The following TNFSF8 variants were observed in gnomAD, a reference collection of about 807,000 sequenced individuals.
The protein encoded by TNFSF8 is TNF superfamily member 8, also known as tumor necrosis factor ligand superfamily member 8.
In TNFSF8, 4 loss-of-function variants were observed where a neutral mutation model predicts 22.0. That is an observed-to-expected ratio of 0.18 (90% confidence interval 0.09 to 0.42). The LOEUF is 0.42. TNFSF8 is among the 10% of genes least tolerant of loss of function. The pLI is 1.00. For synonymous variants in TNFSF8, 106 were observed against 112.5 expected, an observed-to-expected ratio of 0.94 and a Z score of 0.37; for missense variants, 233 against 281.8, an observed-to-expected ratio of 0.83 and a Z score of 1.24.
In TNFSF8 at chr9:114,902,589, C is replaced by G. The variant is rs1827730853; in HGVS notation, c.*1342G>C. 2 of 985,310 alleles carry G rather than the reference C, an allele frequency of 2.0e-6. No homozygotes were observed. The highest frequency in any genetic ancestry group is 1.2e-4 in the Admixed American group (2 of 16,262). The allele number at this position is 985,310 out of a possible 1,614,324, so 61.0% of individuals were successfully genotyped here. A position where few individuals can be genotyped will look rare whatever the true frequency, so the allele number is the denominator to read the frequency against. On this transcript the variant is annotated 3_prime_UTR_variant, in exon 4 of 4. Coordinates refer to ENST00000223795, the MANE Select transcript of TNFSF8 (RefSeq NM_001244.4). ...TTGAGATCCTGCTGTTCACACCATT[C>G]AGCAGGGCACCCTGAACCTTGTCCC...
chr9:114,917,900 TG>T (rs1827938990), intron 2 of TNFSF8, among the ~76,000 whole-genome samples, 195 bp downstream of exon 2: 1 of 152,198 alleles, frequency 6.6e-6, no homozygotes, highest in Non-Finnish European at 1.5e-5. Context: ...GGGAGACTTG[TG>T]GGGATGAGTT....
chr9:114,925,027 A>G (rs1241052286), intron 1 of TNFSF8, among the ~76,000 whole-genome samples: 2 of 152,170 alleles, frequency 1.3e-5, no homozygotes, highest in Admixed American at 6.5e-5. Flanking sequence ...TCTTGTGCCG[A>G]ACTCCTATTA....
downstream of TNFSF8, among the ~76,000 whole-genome samples, chr9:114,900,480 C>T (rs1400753895): frequency 6.6e-6 from 1 of 152,180 alleles, no homozygotes; most frequent in Non-Finnish European, 1.5e-5. Context: ...CCATTATTTC[C>T]CACCAGCCTT....
At chr9:114,895,761 A>G (rs540671900) in intron 4 of TNFSF8, among the ~76,000 whole-genome samples, 1 of 152,330 alleles carries the variant, frequency 6.6e-6, no homozygotes, top group Admixed American at 6.5e-5. Context: ...GCTCAGATTG[A>G]AACTGGCTTC....
At chr9:114,907,080 C>T (rs769879281) in intron 2 of TNFSF8, among the ~76,000 whole-genome samples, 22 of 152,224 alleles carry the variant, frequency 1.4e-4, no homozygotes, top group Non-Finnish European at 2.5e-4. Context: ...ATTGCAGTCT[C>T]TGCCCAGCCC....
Position 114,902,875 on chromosome 9 carries a change from CCATTTTGT to C in TNFSF8, c.*1048_*1055del. The C allele has an allele frequency of 1.9e-6, 1 of 537,728 alleles. No homozygotes were observed. Among genetic ancestry groups the C allele is most frequent in the Non-Finnish European group, 2.4e-6 (1 of 421,114 alleles). The allele number at this position is 537,728 out of a possible 1,614,324, so 33.3% of individuals were successfully genotyped here. ...TTATAATTTTATGTTGCCTTGGCAA[CCATTTTGT>C]ATACAAGTTTAATTTCTCATACCAG... On this transcript the variant is annotated 3_prime_UTR_variant, in exon 4 of 4. Coordinates refer to ENST00000223795, the MANE Select transcript of TNFSF8 (RefSeq NM_001244.4).
chr9:114,905,696 C>T (rs189990826), intron 3 of TNFSF8, 132 bp downstream of exon 3: 6 of 734,710 alleles, frequency 8.2e-6, no homozygotes, highest in Admixed American at 2.4e-5. Flanking sequence ...AAATTTCCTG[C>T]AGACTAAACA....
At chr9:114,918,276 T>C in intron 1 of TNFSF8, 138 bp from the exon 2 acceptor site, 1 of 653,482 alleles carries the variant, frequency 1.5e-6, no homozygotes, top group Non-Finnish European at 2.4e-6. Context: ...TAAAAATTAA[T>C]TCACTGATGT....
downstream of TNFSF8, among the ~76,000 whole-genome samples, chr9:114,899,353 T>TA (rs1477281133): frequency 2.8e-4 from 42 of 151,570 alleles, 1 homozygote; most frequent in South Asian, 6.9e-3. Context: ...TTATTTTTTT[T>TA]TTTTTTTCTT....
At chr9:114,927,916 A>G (rs1370800019) in intron 1 of TNFSF8, among the ~76,000 whole-genome samples, 1 of 151,024 alleles carries the variant, frequency 6.6e-6, no homozygotes, top group Non-Finnish European at 1.5e-5. Flanking sequence ...TCTACATTCC[A>G]TCTTCCTATA....
chr9:114,908,070 C>T (rs1045141815), intron 2 of TNFSF8, among the ~76,000 whole-genome samples: 4 of 152,188 alleles, frequency 2.6e-5, no homozygotes, highest in African/African-American at 9.7e-5. Context: ...GGACTGCCTC[C>T]TTCACCAGGC....
At chr9:114,922,400 G>A (rs1347112786) in intron 1 of TNFSF8, among the ~76,000 whole-genome samples, 1 of 152,178 alleles carries the variant, frequency 6.6e-6, no homozygotes, top group Non-Finnish European at 1.5e-5. Flanking sequence ...TTTTGCCAAG[G>A]ATACCTCTTA....
Position 114,902,169 on chromosome 9 carries a change from T to C in TNFSF8, c.*1762A>G, listed in dbSNP as rs760122613. On this transcript the variant is annotated 3_prime_UTR_variant, in exon 4 of 4. Transcript: ENST00000223795. ...TGATGTACAGATGCCAAGTTGGATA[T>C]AGCTAGAGAAATCTCATGGCTACCC... 2.3e-5 allele frequency: 23 copies of C among 985,386 alleles called. No homozygotes were observed. Among genetic ancestry groups the C allele is most frequent in the East Asian group, 1.1e-4 (1 of 8,806 alleles). 61.0% of individuals were successfully genotyped at this position (985,386 alleles called of 1,614,324 possible). A position where few individuals can be genotyped will look rare whatever the true frequency, so the allele number is the denominator to read the frequency against.
chr9:114,924,842 C>T (rs150900347), intron 1 of TNFSF8, among the ~76,000 whole-genome samples: 7 of 152,268 alleles, frequency 4.6e-5, no homozygotes, highest in African/African-American at 1.7e-4. Flanking sequence ...AACAGAGTTC[C>T]CAGAAGACAG....
chr9:114,925,913 C>T (rs796090282), intron 1 of TNFSF8, among the ~76,000 whole-genome samples: 15 of 152,260 alleles, frequency 9.9e-5, no homozygotes, highest in African/African-American at 3.6e-4. Flanking sequence ...AAACACCTAC[C>T]TGTGGTGTTA....
rs567092781 is a variant in TNFSF8, at chr9:114,894,046, G to T, written c.*33C>A. On this transcript the variant is annotated 3_prime_UTR_variant, in exon 5 of 5. Transcript: ENST00000618336. ...GCAGTGACAGTGACCCAGGGTAGAA[G>T]CAGTTCTTGTCTGCAGCAACCAGCA... The T allele has an allele frequency of 8.6e-6, 13 of 1,508,720 alleles. No homozygotes were observed. The East Asian group carries it at 2.9e-4, about 34-fold the overall frequency. The allele number at this position is 1,508,720 out of a possible 1,614,324, so 93.5% of individuals were successfully genotyped here. A position where few individuals can be genotyped will look rare whatever the true frequency, so the allele number is the denominator to read the frequency against.
In TNFSF8 at chr9:114,901,184, A is replaced by G. The variant is rs1324316631; in HGVS notation, c.*2747T>C. 1 of 985,188 alleles carries G rather than the reference A, an allele frequency of 1.0e-6. No individual in the cohort carries two copies. Among genetic ancestry groups the G allele is most frequent in the Non-Finnish European group, 1.2e-6 (1 of 829,884 alleles). The allele number at this position is 985,188 out of a possible 1,614,324, so 61.0% of individuals were successfully genotyped here. A position where few individuals can be genotyped will look rare whatever the true frequency, so the allele number is the denominator to read the frequency against. ...AATTATTTATTTTACTTGCATAGAT[A>G]TCATTTTACTCATGGAGTATCATTT... On this transcript the variant is annotated 3_prime_UTR_variant, in exon 4 of 4. Transcript: ENST00000223795.
chr9:114,915,434 A>C (rs558946100), intron 2 of TNFSF8, among the ~76,000 whole-genome samples: 1 of 152,090 alleles, frequency 6.6e-6, no homozygotes, highest in African/African-American at 2.4e-5. Flanking sequence ...TATTTTTTCT[A>C]CCTCACCCTA....
intron 2 of TNFSF8, among the ~76,000 whole-genome samples, chr9:114,915,349 A>C (rs760796451): frequency 3.3e-5 from 5 of 152,114 alleles, no homozygotes; most frequent in Non-Finnish European, 7.3e-5. Context: ...CATTTAGTAC[A>C]TTGCTGTTAT....
Sources: allele counts gnomAD v4.1 joint callset (sites outside exome capture counted in the v4.1 genomes callset), GRCh38; gene constraint gnomAD v4.1.1; transcripts MANE v1.5; gene names NCBI Gene and HGNC (gene_info 2026-07-23, HGNC 2026-07-21).